The following PFDN1 variants were observed in gnomAD, a reference collection of about 807,000 sequenced individuals.
PFDN1 encodes prefoldin 1.
In PFDN1, 6 loss-of-function variants were observed where a neutral mutation model predicts 17.3. That is an observed-to-expected ratio of 0.35 (90% CI 0.19 to 0.69). The LOEUF is 0.69. Ranked by LOEUF, PFDN1 falls within the 30% of genes least tolerant of loss-of-function variation. The probability of loss-of-function intolerance (pLI) is 0.65; values close to 1 mark genes in which losing one functional copy is unlikely to be tolerated. For synonymous variants in PFDN1, 58 were observed against 50.1 expected (o/e 1.16, Z -0.67); for missense variants, 113 against 146.2 (o/e 0.77, Z 1.17).
chr5:140,262,721 T>C (rs1765082003), intron 3 of PFDN1, among the ~76,000 whole-genome samples: 1 of 151,906 alleles, frequency 6.6e-6, no homozygotes, highest in Non-Finnish European at 1.5e-5. Flanking sequence ...TTCTGGTGAA[T>C]GGGAATGAGA....
intron 3 of PFDN1, among the ~76,000 whole-genome samples, chr5:140,253,091 G>A (rs1764937946): frequency 6.6e-6 from 1 of 152,226 alleles, no homozygotes; most frequent in Admixed American, 6.5e-5. Flanking sequence ...GCATGGAGCA[G>A]GAGAATAAAG....
rs552265830 is a variant in PFDN1, at chr5:140,287,489, A to T, written c.201-5956T>A. Among the ~76,000 whole-genome samples, 474 of 152,328 alleles carry T rather than the reference A, an allele frequency of 3.1e-3. 3 individuals carry two copies. The highest frequency in any genetic ancestry group is 5.2e-3 in the Non-Finnish European group (355 of 68,026). On this transcript the variant is annotated intron_variant, in intron 2 of 3. Transcript: ENST00000261813. ...AAATAAACCCAGTGACCAGATATAG[A>T]TTTCTAAATAACCACTCTCCAATAA...
chr5:140,245,470 G>A lies in PFDN1; in HGVS notation c.*504C>T, dbSNP rs983970068. 7.1e-6 allele frequency: 5 copies of A among 702,504 alleles called. No homozygotes were observed. Among genetic ancestry groups the A allele is most frequent in the Non-Finnish European group, 1.0e-5 (4 of 385,016 alleles). 43.5% of individuals were successfully genotyped at this position (702,504 alleles called of 1,614,324 possible). A position where few individuals can be genotyped will look rare whatever the true frequency, so the allele number is the denominator to read the frequency against. On this transcript the variant is annotated 3_prime_UTR_variant, in exon 4 of 4. Coordinates refer to ENST00000261813, the MANE Select transcript of PFDN1 (RefSeq NM_002622.5). ...TCTACTGCATGCAGGCCCGGAAGCT[G>A]AGCGTTAGTCAAAGGTACAGGAAGG...
chr5:140,287,627 TA>T (rs1765517593), intron 2 of PFDN1, among the ~76,000 whole-genome samples: 1 of 151,652 alleles, frequency 6.6e-6, no homozygotes, highest in Non-Finnish European at 1.5e-5. Context: ...GGAAGTACAG[TA>T]AAAACAAAAA....
chr5:140,288,970 G>A (rs907850548), intron 2 of PFDN1, among the ~76,000 whole-genome samples: 13 of 151,214 alleles, frequency 8.6e-5, no homozygotes, highest in Non-Finnish European at 1.2e-4. Flanking sequence ...AGGCGACAGA[G>A]GGAGACTCTG....
intron 3 of PFDN1, among the ~76,000 whole-genome samples, chr5:140,253,461 C>T (rs1388344474): frequency 1.3e-5 from 2 of 152,202 alleles, no homozygotes; most frequent in African/African-American, 2.4e-5. Flanking sequence ...TTTAGCTGCT[C>T]GGTCCCCCTG....
At chr5:140,297,329 C>T (rs1267075599) in intron 2 of PFDN1, among the ~76,000 whole-genome samples, 1 of 152,028 alleles carries the variant, frequency 6.6e-6, no homozygotes, top group Admixed American at 6.6e-5. Flanking sequence ...CACAATGATA[C>T]CCAAAATTAC....
At chr5:140,247,197 C>T (rs953569867) in intron 3 of PFDN1, among the ~76,000 whole-genome samples, 1 of 151,956 alleles carries the variant, frequency 6.6e-6, no homozygotes, top group African/African-American at 2.4e-5. Flanking sequence ...GGTGCAATCA[C>T]GGTTCACTGT....
intron 3 of PFDN1, chr5:140,281,111 C>T (rs150604108): frequency 2.2e-4 from 44 of 196,180 alleles, no homozygotes; most frequent in African/African-American, 1.0e-3. Context: ...CAATCCACTA[C>T]ACAAGTGTTG....
At chr5:140,302,895 T>G in intron 1 of PFDN1, 146 bp downstream of exon 1, 1 of 721,506 alleles carries the variant, frequency 1.4e-6, no homozygotes, top group Admixed American at 2.1e-5. Flanking sequence ...GGAGACCCAG[T>G]GAGGCCTTAG....
At chr5:140,276,780 C>CAAAAAAAAA (rs35889345) in intron 3 of PFDN1, among the ~76,000 whole-genome samples, 7 of 46,734 alleles carry the variant, frequency 1.5e-4, no homozygotes, top group African/African-American at 3.1e-4. Flanking sequence ...GACACCGTCT[C>CAAAAAAAAA]AAAAAAAAAA....
At chr5:140,295,131 G>A (rs1294845859) in intron 2 of PFDN1, among the ~76,000 whole-genome samples, 1 of 151,760 alleles carries the variant, frequency 6.6e-6, no homozygotes, top group Non-Finnish European at 1.5e-5. Flanking sequence ...AAGCAAAAAG[G>A]GTGTTCAAAT....
In PFDN1 at chr5:140,269,075, C is replaced by CT. The variant is rs575489615; in HGVS notation, c.285+12373dup. 7.2e-4 allele frequency among the ~76,000 whole-genome samples: 110 copies of CT among 151,734 alleles called. No homozygotes were observed. The Middle Eastern group carries it at 0.021, about 29-fold the overall frequency. ...TCACCCAGGCTGGAGTACAGTGGTGCTATCAAGGCTCACTGCAGCCTCAAT... is the reference window on the plus strand; with the variant it reads ...TCACCCAGGCTGGAGTACAGTGGTGCTTATCAAGGCTCACTGCAGCCTCAAT... On this transcript the variant is annotated intron_variant, in intron 3 of 3. Transcript: ENST00000261813.
At chr5:140,299,943 C>T (rs576163368) in intron 2 of PFDN1, among the ~76,000 whole-genome samples, 2 of 152,218 alleles carry the variant, frequency 1.3e-5, no homozygotes, top group East Asian at 1.9e-4. Flanking sequence ...ACCCAGGAGA[C>T]GGAGATTGCA....
rs1561509834 is a variant in PFDN1, at chr5:140,280,081, A to C, written c.285+1368T>G. Among the ~76,000 whole-genome samples, 3 of 151,784 alleles carry C rather than the reference A, an allele frequency of 2.0e-5. No individual in the cohort carries two copies. The South Asian group carries it at 6.2e-4, about 32-fold the overall frequency. ...AATCATTTATCCCTACGTCCCATCT[A>C]ATTTCTTTAGGGTAAACAGTATTAA... On this transcript the variant is annotated intron_variant, in intron 3 of 3. Transcript: ENST00000261813.
chr5:140,278,380 A>T (rs193100478), intron 3 of PFDN1, among the ~76,000 whole-genome samples: 2 of 151,400 alleles, frequency 1.3e-5, no homozygotes, highest in Non-Finnish European at 2.9e-5. Flanking sequence ...AGTCTGGGCA[A>T]CATGGTGAAA....
At chr5:140,278,587 A>AAAAAAAAAAAAAAAAAAAAAC (rs1561508718) in intron 3 of PFDN1, among the ~76,000 whole-genome samples, 5 of 131,822 alleles carry the variant, frequency 3.8e-5, no homozygotes, top group Non-Finnish European at 3.2e-5. Flanking sequence ...AAAAAAAAAA[A>AAAAAAAAAAAAAAAAAAAAAC]CAAAAAACAA....
chr5:140,252,788 C>T lies in PFDN1; in HGVS notation c.286-6731G>A, dbSNP rs185030917. On this transcript the variant is annotated intron_variant, in intron 3 of 3. Coordinates refer to ENST00000261813, the MANE Select transcript of PFDN1 (RefSeq NM_002622.5). ...AAAAAAGGCAACAAGAGGACACAAT[C>T]AGAGAAGGCAGGATGGAAAATGGGA... Among the ~76,000 whole-genome samples, 110 of 152,242 alleles carry T rather than the reference C, an allele frequency of 7.2e-4. No homozygotes were observed. The Middle Eastern group carries it at 0.02, about 28-fold the overall frequency.
chr5:140,298,847 T>C (rs1765692017), intron 2 of PFDN1, among the ~76,000 whole-genome samples: 1 of 151,982 alleles, frequency 6.6e-6, no homozygotes, highest in Admixed American at 6.6e-5. Context: ...CTCCACCTCC[T>C]GGGTTCGAGC....
Sources: gnomAD v4.1 joint callset for allele counts (sites outside exome capture counted in the v4.1 genomes callset) on GRCh38, gnomAD v4.1.1 for gene constraint, MANE v1.5 for transcripts, NCBI Gene and HGNC (gene_info 2026-07-23, HGNC 2026-07-21) for gene names.